Variants in COL24A1 observed in about 807,000 individuals in gnomAD.
COL24A1 encodes collagen alpha-1(XXIV) chain.
A neutral mutation model predicts 253.9 loss-of-function variants in COL24A1; 224 were observed. The observed-to-expected ratio is 0.88, with a 90% CI of 0.79 to 0.99. The LOEUF is 0.99. Ranked by LOEUF, COL24A1 falls within the 50% of genes least tolerant of loss-of-function variation. The pLI is 0.00. For missense variants in COL24A1, 2,131 were observed against 2,068.5 expected, an observed-to-expected ratio of 1.03 and a Z score of -0.59; for synonymous variants, 685 against 673.7, an observed-to-expected ratio of 1.02 and a Z score of -0.26.
chr1:86,150,766 A>G (rs761773552), intron 1 of COL24A1, among the ~76,000 whole-genome samples: 83 of 152,086 alleles, frequency 5.5e-4, no homozygotes, highest in South Asian at 8.3e-4. Context: ...CCTCCTTATG[A>G]TGTTACATTT....
At chr1:85,904,450 C>T (rs556269206) in intron 28 of COL24A1, among the ~76,000 whole-genome samples, 3 of 152,268 alleles carry the variant, frequency 2.0e-5, no homozygotes, top group Admixed American at 6.5e-5. Context: ...AGAGGCTAAA[C>T]CACTATCTTT....
chr1:86,100,157 C>T (rs1435985554), intron 5 of COL24A1, among the ~76,000 whole-genome samples: 1 of 151,786 alleles, frequency 6.6e-6, no homozygotes, highest in Non-Finnish European at 1.5e-5. Flanking sequence ...ATAGAATTGG[C>T]TCCTACTACC....
At chr1:85,872,317 C>T (rs528626929) in intron 35 of COL24A1, among the ~76,000 whole-genome samples, 2 of 152,292 alleles carry the variant, frequency 1.3e-5, no homozygotes, top group East Asian at 3.9e-4. Context: ...CTACCAATGA[C>T]TTTCTTCACA....
chr1:85,856,877 G>A (rs540521088), intron 37 of COL24A1, among the ~76,000 whole-genome samples: 48 of 152,198 alleles, frequency 3.2e-4, no homozygotes, highest in African/African-American at 1.1e-3. Flanking sequence ...TGAGTCTGGA[G>A]CACCTAGCAC....
intron 8 of COL24A1, among the ~76,000 whole-genome samples, chr1:86,060,231 C>G (rs1700984471): frequency 6.6e-6 from 1 of 151,910 alleles, no homozygotes; most frequent in Non-Finnish European, 1.5e-5. Context: ...ATCATTCATT[C>G]CTTCATTTAC....
chr1:86,028,237 A>T (rs752220685), intron 14 of COL24A1, among the ~76,000 whole-genome samples: 9 of 152,204 alleles, frequency 5.9e-5, no homozygotes, highest in Non-Finnish European at 1.2e-4. Context: ...GACTGTCGGA[A>T]AGGCATGATT....
chr1:85,958,590 G>C (rs1356758699), intron 24 of COL24A1, among the ~76,000 whole-genome samples: 3 of 152,094 alleles, frequency 2.0e-5, no homozygotes, highest in Non-Finnish European at 4.4e-5. Flanking sequence ...ACCTATTTGA[G>C]TGTTAGAAAT....
chr1:85,776,440 TG>T (rs1668551643), intron 52 of COL24A1, among the ~76,000 whole-genome samples: 1 of 152,060 alleles, frequency 6.6e-6, no homozygotes, highest in Non-Finnish European at 1.5e-5. Flanking sequence ...GCTTTTAAAA[TG>T]TGTTAATATT....
chr1:85,940,097 T>C lies in COL24A1; in HGVS notation c.2562+21152A>G, dbSNP rs552266567. Among the ~76,000 whole-genome samples, 22 of 152,254 alleles carry C rather than the reference T, an allele frequency of 1.4e-4. No homozygotes were observed. In the South Asian group the frequency reaches 4.6e-3, roughly 32 times the overall value. On this transcript the variant is annotated intron_variant, in intron 24 of 59. Coordinates refer to ENST00000370571, the MANE Select transcript of COL24A1 (RefSeq NM_152890.7). ...CAATTTTATACAAACCCTGCATTCA[T>C]TAACACTTTTAAAAAGTGCCATAAG...
chr1:85,868,995 T>C (rs1265162625), intron 35 of COL24A1, among the ~76,000 whole-genome samples, 160 bp from the exon 36 acceptor site: 4 of 152,160 alleles, frequency 2.6e-5, no homozygotes, highest in Non-Finnish European at 4.4e-5. Flanking sequence ...ATGAGAATGA[T>C]TTAATTTGCC....
intron 1 of COL24A1, among the ~76,000 whole-genome samples, chr1:86,150,450 C>A (rs1475478026): frequency 6.6e-6 from 1 of 152,094 alleles, no homozygotes; most frequent in African/African-American, 2.4e-5. Context: ...GGACTTGATT[C>A]TTTTAACACT....
chr1:85,961,663 TTTAA>T (rs1691078094), intron 23 of COL24A1, among the ~76,000 whole-genome samples: 1 of 152,034 alleles, frequency 6.6e-6, no homozygotes, highest in Admixed American at 6.6e-5. Context: ...AGAAAAGAGG[TTTAA>T]TTAACTCACA....
intron 24 of COL24A1, among the ~76,000 whole-genome samples, chr1:85,939,336 T>C (rs917971441): frequency 2.6e-5 from 4 of 152,184 alleles, no homozygotes; most frequent in Non-Finnish European, 4.4e-5. Flanking sequence ...GTGTGGCTCC[T>C]AATGTTCACT....
At chr1:86,146,342 G>A (rs1188498128) in intron 1 of COL24A1, among the ~76,000 whole-genome samples, 159 bp from the exon 2 acceptor site, 1 of 151,934 alleles carries the variant, frequency 6.6e-6, no homozygotes, top group African/African-American at 2.4e-5. Context: ...GCTCTGAAGT[G>A]AAATTCCAGT....
chr1:85,785,835 G>C (rs1669626503), intron 48 of COL24A1, among the ~76,000 whole-genome samples: 1 of 152,178 alleles, frequency 6.6e-6, no homozygotes, highest in African/African-American at 2.4e-5. Context: ...TCCTGTATGA[G>C]ATATTTCTAA....
At chr1:85,760,355 CTT>C (rs1180750412) in intron 55 of COL24A1, among the ~76,000 whole-genome samples, 1 of 152,128 alleles carries the variant, frequency 6.6e-6, no homozygotes, top group African/African-American at 2.4e-5. Context: ...GAAAGACATT[CTT>C]ATTGATGTCC....
chr1:85,917,831 A>G (rs1686042429), intron 24 of COL24A1, among the ~76,000 whole-genome samples: 1 of 151,998 alleles, frequency 6.6e-6, no homozygotes, highest in African/African-American at 2.4e-5. Context: ...CAGCCTCCTG[A>G]GCAGCTGGGA....
rs1690236256 is a variant in COL24A1, at chr1:85,954,480, G to C, written c.2562+6769C>G. On this transcript the variant is annotated intron_variant, in intron 24 of 59. Transcript: ENST00000370571. ...TCTGCTGCTATATGACCTGACTTTGGACAAGTTTCTTGACTTCTCTGAAAC... is the reference window on the plus strand; with the variant it reads ...TCTGCTGCTATATGACCTGACTTTGCACAAGTTTCTTGACTTCTCTGAAAC... 2.0e-5 allele frequency among the ~76,000 whole-genome samples: 3 copies of C among 152,080 alleles called. No individual in the cohort carries two copies. In the South Asian group the frequency reaches 6.2e-4, roughly 31 times the overall value.
At chr1:86,098,596 C>T (rs1234510856) in intron 5 of COL24A1, among the ~76,000 whole-genome samples, 2 of 152,020 alleles carry the variant, frequency 1.3e-5, no homozygotes, top group Non-Finnish European at 2.9e-5. Flanking sequence ...TGGTAAACAC[C>T]TTTCCATTGA....
Sources: allele counts gnomAD v4.1 joint callset (sites outside exome capture counted in the v4.1 genomes callset), GRCh38; gene constraint gnomAD v4.1.1; transcripts MANE v1.5; gene names NCBI Gene and HGNC (gene_info 2026-07-23, HGNC 2026-07-21).